TAOK1: variants seen among roughly 807,000 people sequenced by gnomAD.
TAOK1 encodes serine/threonine-protein kinase TAO1.
In TAOK1, 21 loss-of-function variants were observed where a neutral mutation model predicts 138.3. That is an observed-to-expected ratio of 0.15 (90% CI 0.11 to 0.22). The LOEUF (loss-of-function observed/expected upper bound fraction) is 0.22, where lower values mean the gene tolerates loss of function less well. Ranked by LOEUF, TAOK1 falls within the 10% of genes least tolerant of loss-of-function variation. The pLI is 1.00. For synonymous variants in TAOK1, 361 were observed against 398.4 expected (o/e 0.91, Z 1.12); for missense variants, 651 against 1,227.7 (o/e 0.53, Z 7.02).
At chr17:29,523,644 C>G (rs2150768275) in intron 17 of TAOK1, among the ~76,000 whole-genome samples, 1 of 152,278 alleles carries the variant, frequency 6.6e-6, no homozygotes, top group South Asian at 2.1e-4. Flanking sequence ...CCTCGGCCTC[C>G]CAAAGTGCTG....
chr17:29,480,169 A>T, intron 6 of TAOK1, 199 bp from the exon 7 acceptor site: 1 of 352,520 alleles, frequency 2.8e-6, no homozygotes, highest in Non-Finnish European at 5.1e-6. Flanking sequence ...AATTATTACT[A>T]TATGTTTATT....
At chr17:29,409,371 G>A (rs1475737488) in intron 1 of TAOK1, among the ~76,000 whole-genome samples, 1 of 115,548 alleles carries the variant, frequency 8.7e-6, no homozygotes, top group African/African-American at 3.4e-5. Context: ...GTCTCACTCT[G>A]TTGCCCAGGC....
chr17:29,416,347 A>T (rs997052427), intron 1 of TAOK1, among the ~76,000 whole-genome samples: 1 of 152,038 alleles, frequency 6.6e-6, no homozygotes, highest in Non-Finnish European at 1.5e-5. Flanking sequence ...GAAGTCTGAT[A>T]CTTTTTTTGC....
chr17:29,454,147 A>G (rs546880976), intron 2 of TAOK1, among the ~76,000 whole-genome samples: 1 of 152,064 alleles, frequency 6.6e-6, no homozygotes, highest in African/African-American at 2.4e-5. Flanking sequence ...GGGTAAATCT[A>G]GTTTTCCCAG....
At chr17:29,473,840 C>T (rs543429191) in intron 3 of TAOK1, among the ~76,000 whole-genome samples, 1 of 152,004 alleles carries the variant, frequency 6.6e-6, no homozygotes, top group Admixed American at 6.6e-5. Flanking sequence ...GATTCTCCTT[C>T]CTCTGCGTTT....
intron 1 of TAOK1, among the ~76,000 whole-genome samples, chr17:29,409,329 A>AT (rs1905083249): frequency 1.1e-5 from 1 of 87,420 alleles, no homozygotes; most frequent in African/African-American, 5.3e-5. Context: ...ATATATATAT[A>AT]TATATTTTTT....
chr17:29,535,139 C>G (rs1189538639), intron 19 of TAOK1, among the ~76,000 whole-genome samples: 2 of 151,940 alleles, frequency 1.3e-5, no homozygotes, highest in Admixed American at 1.3e-4. Context: ...CAGGGAGACC[C>G]TATCTCTACA....
At chr17:29,534,794 C>A (rs2032193327) in intron 19 of TAOK1, among the ~76,000 whole-genome samples, 1 of 152,104 alleles carries the variant, frequency 6.6e-6, no homozygotes, top group Admixed American at 6.6e-5. Context: ...AAAATTAGTT[C>A]CACACAGGTG....
chr17:29,469,794 A>C (rs1216793942), intron 3 of TAOK1, among the ~76,000 whole-genome samples: 1 of 152,184 alleles, frequency 6.6e-6, no homozygotes, highest in African/African-American at 2.4e-5. Flanking sequence ...GTCCTTCATG[A>C]AAATTTTTTT....
rs56060092 is a variant in TAOK1 at position 29,443,736 on chromosome 17, T to G, written c.-94-7719T>G. Among the ~76,000 whole-genome samples the G allele has an allele frequency of 5.5e-3, 832 of 152,334 alleles. 6 individuals are homozygous for G. Among genetic ancestry groups the G allele is most frequent in the Non-Finnish European group, 9.0e-3 (612 of 68,040 alleles). ...AGAACAGATTAGATAATTTAAAAAA[T>G]GTAATCTAATAGACTTTTTAAATGA... is the stretch of plus-strand genomic sequence containing the variant. On this transcript the variant is annotated intron_variant, in intron 1 of 19. Coordinates refer to ENST00000261716, the MANE Select transcript of TAOK1 (RefSeq NM_020791.4).
intron 1 of TAOK1, among the ~76,000 whole-genome samples, chr17:29,407,690 G>A (rs1282602212): frequency 3.4e-5 from 5 of 148,752 alleles, no homozygotes; most frequent in South Asian, 2.2e-4. Context: ...CAAGCAGTCC[G>A]CCTGCCTTGG....
chr17:29,533,904 C>G (rs1170450103), intron 18 of TAOK1, among the ~76,000 whole-genome samples: 1 of 151,868 alleles, frequency 6.6e-6, no homozygotes, highest in Non-Finnish European at 1.5e-5. Flanking sequence ...AGGCATCTTC[C>G]AAATAGCTTA....
In TAOK1 at chr17:29,465,837, C is replaced by CTTTTTTTTTTTTTT. The variant is rs3058623; in HGVS notation, c.133-1294_133-1281dup. On this transcript the variant is annotated intron_variant, in intron 2 of 19. Coordinates refer to ENST00000261716, the MANE Select transcript of TAOK1 (RefSeq NM_020791.4). ...AAGAGTTAACTGTCAAGTTTCTGTG[C>CTTTTTTTTTTTTTT]TTTTTTTTTTTTTTTTTTTTTTTTT... is the stretch of plus-strand genomic sequence containing the variant. 3.2e-3 allele frequency among the ~76,000 whole-genome samples: 145 copies of CTTTTTTTTTTTTTT among 45,430 alleles called. 43 individuals are homozygous for CTTTTTTTTTTTTTT. The highest frequency in any genetic ancestry group is 0.026 in the Middle Eastern group (2 of 78). 29.8% of individuals were successfully genotyped at this position (45,430 alleles called of 152,430 possible).
intron 2 of TAOK1, among the ~76,000 whole-genome samples, chr17:29,460,710 T>G (rs1567724425): frequency 6.6e-6 from 1 of 152,208 alleles, no homozygotes; most frequent in Non-Finnish European, 1.5e-5. Context: ...TAAAGTTTAC[T>G]CTTGTATTAA....
intron 8 of TAOK1, among the ~76,000 whole-genome samples, chr17:29,488,023 T>G (rs188539722): frequency 1.3e-5 from 2 of 152,304 alleles, no homozygotes; most frequent in East Asian, 3.9e-4. Flanking sequence ...GTGTTTAGCC[T>G]AACTCTAATA....
At chr17:29,437,147 T>A (rs1188182640) in intron 1 of TAOK1, among the ~76,000 whole-genome samples, 2 of 152,142 alleles carry the variant, frequency 1.3e-5, no homozygotes, top group African/African-American at 4.8e-5. Flanking sequence ...CACTGCCACC[T>A]CCTCCTCCTG....
At chr17:29,413,075 G>C (rs1905183853) in intron 1 of TAOK1, among the ~76,000 whole-genome samples, 1 of 152,134 alleles carries the variant, frequency 6.6e-6, no homozygotes, top group Admixed American at 6.6e-5. Context: ...TTACGGATGA[G>C]ACAACTGAGA....
intron 13 of TAOK1, among the ~76,000 whole-genome samples, chr17:29,505,677 G>A (rs1462526806): frequency 3.3e-5 from 5 of 151,764 alleles, no homozygotes; most frequent in Admixed American, 2.0e-4. Context: ...ACTCCAGCCT[G>A]GGGGACAAGA....
intron 16 of TAOK1, among the ~76,000 whole-genome samples, chr17:29,517,944 C>T (rs930332531): frequency 2.0e-5 from 3 of 152,158 alleles, no homozygotes; most frequent in African/African-American, 7.2e-5. Context: ...CAACCTCCAC[C>T]TCCTGGGTGC....
Sources: allele counts gnomAD v4.1 joint callset (sites outside exome capture counted in the v4.1 genomes callset), GRCh38; gene constraint gnomAD v4.1.1; transcripts MANE v1.5; gene names NCBI Gene and HGNC (gene_info 2026-07-23, HGNC 2026-07-21).